CCDC60: variants seen among roughly 807,000 people sequenced by gnomAD.
CCDC60 encodes the protein coiled-coil domain-containing protein 60.
In CCDC60, 54 loss-of-function variants were observed where a neutral mutation model predicts 63.5. The observed-to-expected ratio is 0.85, with a 90% CI of 0.68 to 1.07. The LOEUF is 1.07. Ranked by LOEUF, CCDC60 falls within the 50% of genes least tolerant of loss-of-function variation. CCDC60 has a pLI of 0.00. For synonymous variants in CCDC60, 206 were observed against 238.8 expected (o/e 0.86, Z 1.27); for missense variants, 651 against 684.3 (o/e 0.95, Z 0.54).
chr12:119,384,314 G>C (rs1956038800), intron 1 of CCDC60, among the ~76,000 whole-genome samples: 3 of 152,212 alleles, frequency 2.0e-5, no homozygotes, highest in Non-Finnish European at 4.4e-5. Context: ...TTAGGGGTTT[G>C]GCATCTGCTT....
At chr12:119,509,294 A>G (rs1356294443) in intron 7 of CCDC60, among the ~76,000 whole-genome samples, 1 of 152,212 alleles carries the variant, frequency 6.6e-6, no homozygotes, top group East Asian at 1.9e-4. Context: ...TACCTAAAAC[A>G]TCTGACTTTT....
intron 1 of CCDC60, among the ~76,000 whole-genome samples, chr12:119,367,909 T>TG (rs1387529642): frequency 6.6e-6 from 1 of 151,750 alleles, no homozygotes; most frequent in Non-Finnish European, 1.5e-5. Context: ...GGGGTTTTTT[T>TG]TTTTTGAGCT....
At chr12:119,495,966 T>C (rs1248307917) in intron 5 of CCDC60, among the ~76,000 whole-genome samples, 1 of 152,240 alleles carries the variant, frequency 6.6e-6, no homozygotes, top group Non-Finnish European at 1.5e-5. Context: ...CAGTGACATA[T>C]GAGTGAAATC....
At chr12:119,381,727 G>A (rs763508507) in intron 1 of CCDC60, among the ~76,000 whole-genome samples, 22 of 152,092 alleles carry the variant, frequency 1.4e-4, no homozygotes, top group African/African-American at 2.7e-4. Flanking sequence ...TCAGAGAGTC[G>A]AAGTCACTCA....
intron 1 of CCDC60, among the ~76,000 whole-genome samples, chr12:119,338,880 C>A (rs889043977): frequency 3.3e-5 from 5 of 152,164 alleles, no homozygotes; most frequent in Non-Finnish European, 7.3e-5. Flanking sequence ...TTGGAAAAAA[C>A]CTCAAAAGGG....
intron 2 of CCDC60, among the ~76,000 whole-genome samples, chr12:119,448,686 T>A (rs56105768): frequency 0.26 from 38,949 of 151,782 alleles, 5,153 homozygotes; most frequent in African/African-American, 0.31. Context: ...GGAGGGGGTC[T>A]GGAAGAGGCG....
At chr12:119,416,102 C>T (rs1187660106) in intron 1 of CCDC60, among the ~76,000 whole-genome samples, 4 of 152,076 alleles carry the variant, frequency 2.6e-5, no homozygotes, top group African/African-American at 9.7e-5. Flanking sequence ...GCAGTGTTGG[C>T]GAGGCGTAGT....
chr12:119,528,515 T>G (rs943093027), intron 11 of CCDC60, 100 bp from the exon 12 acceptor site: 36 of 1,339,978 alleles, frequency 2.7e-5, no homozygotes, highest in Middle Eastern at 3.8e-4. Flanking sequence ...AAAAGCCTCA[T>G]GAAGGAAAAG....
intron 1 of CCDC60, among the ~76,000 whole-genome samples, chr12:119,406,425 A>ATTGAAGTT (rs1956492675): frequency 6.6e-6 from 1 of 152,110 alleles, no homozygotes; most frequent in African/African-American, 2.4e-5. Flanking sequence ...ATCAACACAT[A>ATTGAAGTT]TTGAAGTTTT....
intron 5 of CCDC60, among the ~76,000 whole-genome samples, chr12:119,489,852 C>A (rs1247096470): frequency 6.6e-6 from 1 of 151,548 alleles, no homozygotes; most frequent in African/African-American, 2.4e-5. Context: ...GGCCAGAGTA[C>A]GGTGACGCAA....
At chr12:119,530,039 C>A (rs1340448835) in intron 12 of CCDC60, among the ~76,000 whole-genome samples, 1 of 152,132 alleles carries the variant, frequency 6.6e-6, no homozygotes, top group Non-Finnish European at 1.5e-5. Context: ...TTATTGAGCA[C>A]CTACTATGAG....
At chr12:119,528,407 T>G (rs1458061422) in intron 11 of CCDC60, among the ~76,000 whole-genome samples, 1 of 152,178 alleles carries the variant, frequency 6.6e-6, no homozygotes, top group Non-Finnish European at 1.5e-5. Context: ...TGACTAGATT[T>G]AACTGTGCTT....
At chr12:119,533,536 G>GT (rs1218270121) in intron 13 of CCDC60, among the ~76,000 whole-genome samples, 2 of 152,156 alleles carry the variant, frequency 1.3e-5, no homozygotes, top group Non-Finnish European at 2.9e-5. Context: ...TTCTTCTAGG[G>GT]TTTTTATGGT....
rs775350482 is a variant in CCDC60, at chr12:119,335,264, C to A, written c.88C>A (p.Gln30Lys). Residue 30 changes from glutamine (Q) to lysine (K), a missense_variant and splice_region_variant, in exon 1 of 14, where the codon CAG becomes AAG. Coordinates refer to ENST00000327554, the MANE Select transcript of CCDC60 (RefSeq NM_178499.5). ...CTTTTATGCCTCGGAGAACCTAAGG[C>A]AGGTAAGTCTCCCCTCTGCTGAAAC... ...RPFYASENLR[Q>K]VPDKPMKSIK... The A allele has an allele frequency of 1.3e-6, 2 of 1,595,618 alleles. No individual in the cohort carries two copies. Among genetic ancestry groups the A allele is most frequent in the South Asian group, 2.3e-5 (2 of 88,088 alleles).
At chr12:119,507,047 C>A (rs1030977029) in intron 7 of CCDC60, among the ~76,000 whole-genome samples, 1 of 152,146 alleles carries the variant, frequency 6.6e-6, no homozygotes, top group Non-Finnish European at 1.5e-5. Flanking sequence ...AGCGACAGAA[C>A]TGAGACAACA....
At chr12:119,353,931 G>T (rs1955689034) in intron 1 of CCDC60, among the ~76,000 whole-genome samples, 1 of 151,970 alleles carries the variant, frequency 6.6e-6, no homozygotes, top group South Asian at 2.1e-4. Context: ...AAAATTAGCT[G>T]GGTGTGGTGC....
chr12:119,474,318 GAAA>G (rs1414592551), intron 3 of CCDC60, among the ~76,000 whole-genome samples: 10 of 152,204 alleles, frequency 6.6e-5, no homozygotes, highest in Admixed American at 5.9e-4. Context: ...TGCCAAAAAT[GAAA>G]TGGAAGCCAC....
chr12:119,495,568 G>A (rs1265729799), intron 5 of CCDC60, among the ~76,000 whole-genome samples: 6 of 152,152 alleles, frequency 3.9e-5, no homozygotes, highest in African/African-American at 7.2e-5. Flanking sequence ...AGACCTTTAC[G>A]TCTTTTCCAA....
chr12:119,412,213 T>C (rs1956615609), intron 1 of CCDC60, among the ~76,000 whole-genome samples: 1 of 152,124 alleles, frequency 6.6e-6, no homozygotes, highest in Non-Finnish European at 1.5e-5. Context: ...CTCCTGAATC[T>C]TGGCTCTTTT....
Sources: gnomAD v4.1 joint callset for allele counts (sites outside exome capture counted in the v4.1 genomes callset) on GRCh38, gnomAD v4.1.1 for gene constraint, MANE v1.5 for transcripts, NCBI Gene and HGNC (gene_info 2026-07-23, HGNC 2026-07-21) for gene names.